Variants in ZNG1A observed in about 807,000 individuals in gnomAD.
The protein encoded by ZNG1A is zinc-regulated GTPase metalloprotein activator 1A.
chr9:156,254 C>T, the ZNG1A span, among the ~76,000 whole-genome samples: 8 of 150,654 alleles, frequency 5.3e-5, no homozygotes, highest in African/African-American at 1.9e-4. Context: ...AATTACAGAA[C>T]TCCTGTGTTC....
chr9:140,736 C>T, the ZNG1A span, among the ~76,000 whole-genome samples: 60 of 151,880 alleles, frequency 4.0e-4, no homozygotes, highest in African/African-American at 1.4e-3. Context: ...GACGATCAAA[C>T]TACTCCGAGC....
the ZNG1A span, among the ~76,000 whole-genome samples, chr9:139,570 A>C: frequency 1.4e-4 from 22 of 152,262 alleles, no homozygotes; most frequent in East Asian, 5.8e-4. Context: ...AAGAATAACT[A>C]ATCTTTCTTC....
At chr9:142,331 T>A in the ZNG1A span, among the ~76,000 whole-genome samples, 14 of 104,966 alleles carry the variant, frequency 1.3e-4, 1 homozygote, top group Admixed American at 4.2e-4. Context: ...ACAGAAATTA[T>A]AAGAAACTAT....
chr9:157,525 TAC>T, the ZNG1A span, among the ~76,000 whole-genome samples: 10 of 134,408 alleles, frequency 7.4e-5, no homozygotes, highest in African/African-American at 2.6e-4. Context: ...ATGAATTATA[TAC>T]ATTTTTCTCA....
chr9:178,296 T>C, the ZNG1A span, among the ~76,000 whole-genome samples: 3 of 151,346 alleles, frequency 2.0e-5, no homozygotes, highest in African/African-American at 7.3e-5. Context: ...CAAACAGACC[T>C]CAAAAAAAAA....
At chr9:170,539 C>G in the ZNG1A span, among the ~76,000 whole-genome samples, 1 of 150,564 alleles carries the variant, frequency 6.6e-6, no homozygotes, top group Non-Finnish European at 1.5e-5. Flanking sequence ...GGGTGCGCCA[C>G]ATCGCCTGGC....
chr9:140,687 G>T, the ZNG1A span, among the ~76,000 whole-genome samples: 6 of 151,750 alleles, frequency 4.0e-5, no homozygotes, highest in East Asian at 1.9e-4. Context: ...CAAAGCTGGA[G>T]GGAGAATGAC....
At chr9:155,950 A>T in the ZNG1A span, among the ~76,000 whole-genome samples, 1 of 150,066 alleles carries the variant, frequency 6.7e-6, no homozygotes, top group Admixed American at 6.6e-5. Context: ...TACTAAAAAA[A>T]ATAAAAATAA....
the ZNG1A span, among the ~76,000 whole-genome samples, chr9:177,352 C>T: frequency 2.0e-5 from 3 of 151,558 alleles, no homozygotes; most frequent in African/African-American, 7.3e-5. Context: ...AGCAAGACTC[C>T]AGATTAGTCA....
the ZNG1A span, among the ~76,000 whole-genome samples, chr9:134,041 A>G: frequency 2.7e-5 from 2 of 75,324 alleles, no homozygotes; most frequent in Admixed American, 3.3e-4. Context: ...AATGTGCTTC[A>G]TGTTCAGCTA....
chr9:144,343 C>G, the ZNG1A span, among the ~76,000 whole-genome samples: 3 of 146,582 alleles, frequency 2.0e-5, no homozygotes, highest in Non-Finnish European at 4.5e-5. Flanking sequence ...GGTACCAAAA[C>G]AGAGATATAG....
the ZNG1A span, among the ~76,000 whole-genome samples, chr9:140,354 C>G: frequency 6.6e-6 from 1 of 151,352 alleles, no homozygotes; most frequent in South Asian, 2.1e-4. Flanking sequence ...GGTCCCTGAC[C>G]CCTGACCCCC....
chr9:156,072 G>A, the ZNG1A span, among the ~76,000 whole-genome samples: 150 of 150,458 alleles, frequency 1.0e-3, 1 homozygote, highest in South Asian at 2.5e-3. Flanking sequence ...CCTGGGAGGC[G>A]GAGGTTGCAG....
the ZNG1A span, among the ~76,000 whole-genome samples, chr9:159,643 A>G: frequency 7.9e-5 from 12 of 151,466 alleles, no homozygotes; most frequent in African/African-American, 2.9e-4. Flanking sequence ...ATGAAGGGCT[A>G]TAGGGTGTCC....
chr9:129,923 C>G, the ZNG1A span, among the ~76,000 whole-genome samples: 1 of 150,178 alleles, frequency 6.7e-6, no homozygotes, highest in Non-Finnish European at 1.5e-5. Context: ...TTACACAAAC[C>G]TAGATGGTAT....
At chr9:162,437 A>C in the ZNG1A span, 3 of 1,497,142 alleles carry the variant, frequency 2.0e-6, no homozygotes, top group Non-Finnish European at 9.1e-7. Context: ...CTTACTTTTA[A>C]TCCATATTTT....
the ZNG1A span, chr9:122,589 T>C: frequency 9.8e-7 from 1 of 1,020,022 alleles, no homozygotes; most frequent in Non-Finnish European, 1.2e-6. Flanking sequence ...GCTCATTGTG[T>C]ATTGATTTGC....
the ZNG1A span, among the ~76,000 whole-genome samples, chr9:174,707 A>G: frequency 5.3e-5 from 8 of 151,160 alleles, no homozygotes; most frequent in Non-Finnish European, 1.2e-4. Flanking sequence ...TTTACTTTTT[A>G]CAACTGAAAA....
chr9:141,836 G>A, the ZNG1A span, among the ~76,000 whole-genome samples: 2,957 of 152,196 alleles, frequency 0.019, 58 homozygotes, highest in African/African-American at 0.068. Flanking sequence ...AAAATAAAGG[G>A]ATGGAGGAAA....
Sources: gnomAD v4.1 joint callset for allele counts (sites outside exome capture counted in the v4.1 genomes callset) on GRCh38, gnomAD v4.1.1 for gene constraint, MANE v1.5 for transcripts, NCBI Gene and HGNC (gene_info 2026-07-23, HGNC 2026-07-21) for gene names.